Variants in MND1 observed in about 807,000 individuals in gnomAD.
The protein encoded by MND1 is meiotic nuclear division protein 1 homolog.
Under a neutral mutation model 35.1 loss-of-function variants are expected in MND1, and 28 were observed. The ratio of observed to expected loss-of-function variants is 0.80; its 90% CI spans 0.59 to 1.09. The LOEUF (loss-of-function observed/expected upper bound fraction) is 1.09. MND1 is among the 50% of genes least tolerant of loss of function. The probability of loss-of-function intolerance (pLI) is 0.00; values close to 1 mark genes in which losing one functional copy is unlikely to be tolerated. For missense variants in MND1, 213 were observed against 239.6 expected (o/e 0.89, Z 0.73); for synonymous variants, 69 against 70.5 (o/e 0.98, Z 0.11).
At chr4:153,395,833 T>C (rs1177690438) in intron 5 of MND1, among the ~76,000 whole-genome samples, 1 of 152,172 alleles carries the variant, frequency 6.6e-6, no homozygotes, top group Non-Finnish European at 1.5e-5. Flanking sequence ...TATATTCACA[T>C]TGGATGTTCA....
chr4:153,384,401 CT>C (rs201456912), intron 4 of MND1, among the ~76,000 whole-genome samples: 2,469 of 141,246 alleles, frequency 0.017, 47 homozygotes, highest in East Asian at 0.078. Flanking sequence ...TCTTGAGTAG[CT>C]AGGACTACAG....
chr4:153,381,184 CCA>C (rs1252020028), intron 4 of MND1, among the ~76,000 whole-genome samples: 2 of 152,246 alleles, frequency 1.3e-5, no homozygotes, highest in East Asian at 3.9e-4. Context: ...CAGGTATCAG[CCA>C]CTGCGCCCGG....
intron 4 of MND1, among the ~76,000 whole-genome samples, chr4:153,392,109 G>T (rs1729062697): frequency 6.7e-6 from 1 of 148,592 alleles, no homozygotes; most frequent in African/African-American, 2.5e-5. Context: ...GGGCAGTTTA[G>T]TTTTTTTTTT....
chr4:153,382,784 T>G (rs1478394852), intron 4 of MND1, among the ~76,000 whole-genome samples: 1 of 152,192 alleles, frequency 6.6e-6, no homozygotes. Context: ...TAACATTACA[T>G]TAAAACATTT....
chr4:153,373,129 T>G (rs1000499328), intron 4 of MND1, among the ~76,000 whole-genome samples: 11 of 152,182 alleles, frequency 7.2e-5, no homozygotes, highest in African/African-American at 2.7e-4. Context: ...TTGCTTTTTT[T>G]GTATAATCTG....
At chr4:153,412,368 A>C (rs952260906) in intron 7 of MND1, among the ~76,000 whole-genome samples, 1 of 152,172 alleles carries the variant, frequency 6.6e-6, no homozygotes, top group Non-Finnish European at 1.5e-5. Flanking sequence ...TTTTCTCACC[A>C]TCCTGGAGGA....
intron 6 of MND1, among the ~76,000 whole-genome samples, chr4:153,405,983 T>G (rs141194093): frequency 0.012 from 1,776 of 152,004 alleles, 20 homozygotes; most frequent in Non-Finnish European, 0.02. Flanking sequence ...TTTTACATTT[T>G]TAGTAGAGAG....
At chr4:153,362,080 T>G (rs2149635629) in intron 4 of MND1, among the ~76,000 whole-genome samples, 1 of 152,366 alleles carries the variant, frequency 6.6e-6, no homozygotes, top group South Asian at 2.1e-4. Context: ...TAGCTGTTCA[T>G]TAAGTCTTTA....
At chr4:153,379,863 A>G (rs144197672) in intron 4 of MND1, among the ~76,000 whole-genome samples, 1 of 148,066 alleles carries the variant, frequency 6.8e-6, no homozygotes, top group Non-Finnish European at 1.5e-5. Flanking sequence ...AAAAAAAAAA[A>G]AAAAAAAAAA....
chr4:153,382,918 A>G (rs993453910), intron 4 of MND1, among the ~76,000 whole-genome samples: 1 of 152,206 alleles, frequency 6.6e-6, no homozygotes, highest in African/African-American at 2.4e-5. Context: ...AGCCTAGACA[A>G]CTTGAGTGAC....
At chr4:153,392,192 C>T (rs1205964714) in intron 4 of MND1, among the ~76,000 whole-genome samples, 1 of 151,740 alleles carries the variant, frequency 6.6e-6, no homozygotes, top group African/African-American at 2.4e-5. Flanking sequence ...AGCTCCACCT[C>T]CCGGGTTCAT....
intron 7 of MND1, among the ~76,000 whole-genome samples, chr4:153,411,504 G>C (rs1427395567): frequency 2.6e-5 from 4 of 152,154 alleles, no homozygotes; most frequent in Non-Finnish European, 5.9e-5. Context: ...TCAAAGAAAT[G>C]TTTAATCAGA....
intron 6 of MND1, among the ~76,000 whole-genome samples, chr4:153,407,199 C>T (rs541953920): frequency 6.6e-6 from 1 of 152,344 alleles, no homozygotes; most frequent in Admixed American, 6.5e-5. Flanking sequence ...CACGGTGGCT[C>T]ACGCCTGTAA....
At chr4:153,388,348 A>G (rs1250634809) in intron 4 of MND1, among the ~76,000 whole-genome samples, 2 of 152,112 alleles carry the variant, frequency 1.3e-5, no homozygotes, top group Non-Finnish European at 2.9e-5. Context: ...AAAATTAGGC[A>G]TAGTGGTACA....
At chr4:153,370,772 G>A (rs1022662084) in intron 4 of MND1, among the ~76,000 whole-genome samples, 1 of 151,960 alleles carries the variant, frequency 6.6e-6, no homozygotes, top group Non-Finnish European at 1.5e-5. Flanking sequence ...GCCCACCTCA[G>A]CCTCCCAAAG....
intron 4 of MND1, among the ~76,000 whole-genome samples, chr4:153,362,501 C>G (rs1392275961): frequency 6.6e-6 from 1 of 152,196 alleles, no homozygotes; most frequent in Non-Finnish European, 1.5e-5. Context: ...TCCCCAGAAG[C>G]AGAAGCCACC....
chr4:153,379,963 A>G (rs1047386447), intron 4 of MND1, among the ~76,000 whole-genome samples: 4 of 149,852 alleles, frequency 2.7e-5, no homozygotes, highest in African/African-American at 9.7e-5. Context: ...TTGAGGCTAC[A>G]GTGATCTATG....
chr4:153,363,020 A>G (rs920551837), intron 4 of MND1: 1 of 985,376 alleles, frequency 1.0e-6, no homozygotes, highest in Admixed American at 6.1e-5. Context: ...GAAGTGCAAG[A>G]TGGAGGTAAG....
At chr4:153,389,602 C>T (rs1458754606) in intron 4 of MND1, among the ~76,000 whole-genome samples, 1 of 152,136 alleles carries the variant, frequency 6.6e-6, no homozygotes, top group Non-Finnish European at 1.5e-5. Flanking sequence ...CTCAAGTGAT[C>T]CACCTGCCTT....
Sources: gnomAD v4.1 joint callset for allele counts (sites outside exome capture counted in the v4.1 genomes callset) on GRCh38, gnomAD v4.1.1 for gene constraint, MANE v1.5 for transcripts, NCBI Gene and HGNC (gene_info 2026-07-23, HGNC 2026-07-21) for gene names.